The following SLC14A2 variants were observed in gnomAD, a reference collection of about 807,000 sequenced individuals.
SLC14A2 encodes urea transporter 2.
SLC14A2 carries 91 observed loss-of-function variants against 104.6 expected under a neutral mutation model. That is an observed-to-expected ratio of 0.87 (90% CI 0.73 to 1.04). The LOEUF is 1.04. Among genes scored for constraint, SLC14A2 ranks in the 50% least tolerant of loss-of-function variants. The pLI is 0.00. For missense variants in SLC14A2, 1,189 were observed against 1,156.0 expected (o/e 1.03, Z -0.41); for synonymous variants, 476 against 466.4 (o/e 1.02, Z -0.27).
intron 10 of SLC14A2, among the ~76,000 whole-genome samples, chr18:45,652,655 C>A (rs1284596353): frequency 3.3e-5 from 5 of 152,200 alleles, no homozygotes; most frequent in African/African-American, 1.2e-4. Flanking sequence ...TGAAGAAAAC[C>A]TTGTTCTGAA....
chr18:45,673,644 G>A, intron 17 of SLC14A2, 39 bp from the exon 18 acceptor site: 2 of 1,594,654 alleles, frequency 1.3e-6, no homozygotes, highest in Middle Eastern at 1.7e-4. Flanking sequence ...GGCCCCATAA[G>A]ACCCTAGACC....
chr18:45,437,960 C>T (rs1375519678), intron 1 of SLC14A2, among the ~76,000 whole-genome samples: 1 of 152,186 alleles, frequency 6.6e-6, no homozygotes, highest in African/African-American at 2.4e-5. Context: ...AATATACTTA[C>T]CCCCTTGACT....
chr18:45,487,413 T>C (rs2087628244), intron 2 of SLC14A2, among the ~76,000 whole-genome samples: 1 of 152,206 alleles, frequency 6.6e-6, no homozygotes, highest in South Asian at 2.1e-4. Context: ...ATCCGCAAAG[T>C]CCCTCTTGAC....
chr18:45,647,513 T>C lies in SLC14A2; in HGVS notation c.1351+3353T>C, dbSNP rs137928215. The C allele has an allele frequency of 1.7e-3, 258 of 152,322 alleles. 3 individuals carry two copies. Among genetic ancestry groups the C allele is most frequent in the African/African-American group, 6.1e-3 (254 of 41,582 alleles). The allele number at this position is 152,322 out of a possible 1,614,324, so 9.4% of individuals were successfully genotyped here. On this transcript the variant is annotated intron_variant, in intron 10 of 19. Coordinates refer to ENST00000255226, the MANE Select transcript of SLC14A2 (RefSeq NM_007163.4). ...TTTGGTTTGTTTTCTATTGATTTAT[T>C]TTTCCTGTTTTCTTAAGGTTTAAAT...
intron 2 of SLC14A2, among the ~76,000 whole-genome samples, chr18:45,536,289 T>C (rs1568265110): frequency 6.6e-6 from 1 of 152,250 alleles, no homozygotes; most frequent in Non-Finnish European, 1.5e-5. Flanking sequence ...ACCTGGGTAC[T>C]CTGACATTAA....
chr18:45,504,876 G>T (rs1351710182), intron 2 of SLC14A2, among the ~76,000 whole-genome samples: 2 of 152,154 alleles, frequency 1.3e-5, no homozygotes, highest in African/African-American at 4.8e-5. Flanking sequence ...TAATAGCGAT[G>T]ATAATAAAAA....
rs562120298 is a variant in SLC14A2 at position 45,318,189 on chromosome 18, C to T, written c.-125+104998C>T. On this transcript the variant is annotated intron_variant, in intron 1 of 20. Transcript: ENST00000586448. ...CAGCTGGCTCCAAGCACCGGGGAGA[C>T]GGCAACAAAGGCCCAAGGGACAGAC... Among the ~76,000 whole-genome samples, 99 of 152,278 alleles carry T rather than the reference C, an allele frequency of 6.5e-4. 2 individuals are homozygous for T. The South Asian group carries it at 9.3e-3, about 14-fold the overall frequency.
At chr18:45,608,690 T>C (rs2144439661) in intron 2 of SLC14A2, among the ~76,000 whole-genome samples, 1 of 152,326 alleles carries the variant, frequency 6.6e-6, no homozygotes, top group South Asian at 2.1e-4. Flanking sequence ...CTTCAGAGGA[T>C]TTAGACAACA....
chr18:45,303,758 G>A (rs1228946136), intron 1 of SLC14A2, among the ~76,000 whole-genome samples: 2 of 152,230 alleles, frequency 1.3e-5, no homozygotes, highest in African/African-American at 4.8e-5. Context: ...TTGTAAATGT[G>A]TCTGTTATCA....
At position 45,682,577 on chromosome 18, in the gene SLC14A2, C is replaced by A; in HGVS notation, c.*58C>A. The A allele has an allele frequency of 7.0e-7, 1 of 1,434,660 alleles. No individual in the cohort carries two copies. Among genetic ancestry groups the A allele is most frequent in the Admixed American group, 1.7e-5 (1 of 59,682 alleles). The allele number at this position is 1,434,660 out of a possible 1,614,324, so 88.9% of individuals were successfully genotyped here. ...CAGGCTTCAGCACGCCGTCCAGATC[C>A]CCAGGATAAGAGACCACTTAGCCTT... On this transcript the variant is annotated 3_prime_UTR_variant, in exon 20 of 20. Coordinates refer to ENST00000255226, the MANE Select transcript of SLC14A2 (RefSeq NM_007163.4).
intron 18 of SLC14A2, among the ~76,000 whole-genome samples, chr18:45,674,777 C>A (rs1467786781): frequency 1.3e-5 from 2 of 152,158 alleles, no homozygotes; most frequent in Non-Finnish European, 2.9e-5. Context: ...TGTCAAAGAG[C>A]AAGACTAAGG....
At chr18:45,512,569 A>C (rs1405818817) in intron 2 of SLC14A2, among the ~76,000 whole-genome samples, 1 of 152,162 alleles carries the variant, frequency 6.6e-6, no homozygotes, top group Non-Finnish European at 1.5e-5. Flanking sequence ...CCACAGAGAA[A>C]GTGCAATTTC....
intron 2 of SLC14A2, chr18:45,529,046 C>G (rs1277012170): frequency 6.6e-6 from 1 of 152,258 alleles, no homozygotes; most frequent in Non-Finnish European, 1.5e-5. Flanking sequence ...AATCAAGACA[C>G]CTTCCAGCCC....
intron 18 of SLC14A2, among the ~76,000 whole-genome samples, chr18:45,678,170 C>T (rs2046256693): frequency 6.6e-6 from 1 of 152,134 alleles, no homozygotes; most frequent in Non-Finnish European, 1.5e-5. Flanking sequence ...ATCTCCCCTC[C>T]AAAACAAAAG....
At chr18:45,229,867 AG>A (rs112921092) in intron 1 of SLC14A2, among the ~76,000 whole-genome samples, 17,198 of 152,214 alleles carry the variant, frequency 0.11, 989 homozygotes, top group Non-Finnish European at 0.12. Flanking sequence ...CATGATTAAA[AG>A]TGTAAGTTCT....
At chr18:45,413,960 A>G (rs1358132534) in intron 1 of SLC14A2, among the ~76,000 whole-genome samples, 2 of 152,220 alleles carry the variant, frequency 1.3e-5, no homozygotes, top group Admixed American at 6.5e-5. Context: ...CGTAAAAAAA[A>G]AAGAAAATCA....
At chr18:45,460,672 A>C (rs2087028903) in intron 1 of SLC14A2, among the ~76,000 whole-genome samples, 1 of 152,200 alleles carries the variant, frequency 6.6e-6, no homozygotes, top group Non-Finnish European at 1.5e-5. Flanking sequence ...TGAGTTCTGT[A>C]CTATTAATTC....
intron 1 of SLC14A2, among the ~76,000 whole-genome samples, chr18:45,470,660 T>C (rs2087231001): frequency 6.6e-6 from 1 of 152,162 alleles, no homozygotes; most frequent in Non-Finnish European, 1.5e-5. Context: ...CTCTGTATCC[T>C]TACTAGCTAT....
intron 1 of SLC14A2, among the ~76,000 whole-genome samples, chr18:45,451,585 C>T (rs139726579): frequency 1.3e-5 from 2 of 152,040 alleles, no homozygotes; most frequent in East Asian, 3.9e-4. Flanking sequence ...TATAAAAGCC[C>T]AACTTAAAAT....
Sources: gnomAD v4.1 joint callset for allele counts (sites outside exome capture counted in the v4.1 genomes callset) on GRCh38, gnomAD v4.1.1 for gene constraint, MANE v1.5 for transcripts, NCBI Gene and HGNC (gene_info 2026-07-23, HGNC 2026-07-21) for gene names.